The following KCNMA1 variants were observed in gnomAD, a reference collection of about 807,000 sequenced individuals.
The protein encoded by KCNMA1 is potassium calcium-activated channel subfamily M alpha 1.
A neutral mutation model predicts 140.0 loss-of-function variants in KCNMA1; 29 were observed. The observed-to-expected ratio is 0.21, with a 90% confidence interval of 0.15 to 0.28. The LOEUF is 0.28. Ranked by LOEUF, KCNMA1 falls within the 10% of genes least tolerant of loss-of-function variation. KCNMA1 has a pLI of 1.00. For missense variants in KCNMA1, 880 were observed against 1,602.2 expected (o/e 0.55, Z 7.70); for synonymous variants, 612 against 611.9 (o/e 1.00, Z 0.00).
chr10:77,193,404 A>G (rs982870919), intron 3 of KCNMA1, among the ~76,000 whole-genome samples: 1 of 152,196 alleles, frequency 6.6e-6, no homozygotes, highest in Admixed American at 6.5e-5. Flanking sequence ...AGTTTTCACT[A>G]AACTGTCTTA....
At chr10:77,271,138 C>A (rs991468512) in intron 2 of KCNMA1, among the ~76,000 whole-genome samples, 1 of 152,172 alleles carries the variant, frequency 6.6e-6, no homozygotes, top group Non-Finnish European at 1.5e-5. Context: ...GTTTAACAGA[C>A]AAACATTTTA....
chr10:77,063,432 G>A (rs1326524647), intron 14 of KCNMA1, among the ~76,000 whole-genome samples: 2 of 151,754 alleles, frequency 1.3e-5, no homozygotes, highest in Admixed American at 6.6e-5. Context: ...GTGAGACAGC[G>A]AAATCTCCGT....
chr10:76,876,923 A>C (rs1159868065), downstream of KCNMA1: 2 of 152,524 alleles, frequency 1.3e-5, no homozygotes, highest in Non-Finnish European at 2.9e-5. Flanking sequence ...CCACCACTAG[A>C]ACAGCAAACA....
rs373374190 is a variant in KCNMA1, at chr10:77,317,910, A to T, written c.541-66654T>A. ...CACGGTTTTGTTTAAGGCATCCCAA[A>T]AACTAGAAATTGTTTGCTTGACTCC... On this transcript the variant is annotated intron_variant, in intron 2 of 27. Transcript: ENST00000286628. Among the ~76,000 whole-genome samples, 6 of 152,328 alleles carry T rather than the reference A, an allele frequency of 3.9e-5. No homozygotes were observed. The South Asian group carries it at 1.2e-3, about 32-fold the overall frequency.
At chr10:77,162,546 C>T (rs1439852709) in intron 5 of KCNMA1, among the ~76,000 whole-genome samples, 2 of 152,108 alleles carry the variant, frequency 1.3e-5, no homozygotes, top group African/African-American at 4.8e-5. Flanking sequence ...GAGATAACAT[C>T]TTTGCCTCCA....
intron 20 of KCNMA1, among the ~76,000 whole-genome samples, chr10:76,968,696 G>A (rs572718900): frequency 1.3e-5 from 2 of 152,308 alleles, no homozygotes; most frequent in East Asian, 3.9e-4. Context: ...AAACAAGCAT[G>A]CAAATCAGCC....
intron 2 of KCNMA1, among the ~76,000 whole-genome samples, chr10:77,335,785 C>G (rs886551095): frequency 2.0e-5 from 3 of 152,132 alleles, no homozygotes; most frequent in African/African-American, 4.8e-5. Flanking sequence ...AACCAAGGCT[C>G]TAGGAGGTTA....
At chr10:77,018,415 T>C (rs1240914128) in intron 17 of KCNMA1, among the ~76,000 whole-genome samples, 1 of 152,206 alleles carries the variant, frequency 6.6e-6, no homozygotes, top group East Asian at 1.9e-4. Flanking sequence ...TGTGAATTCC[T>C]AGGCTGCTTA....
At chr10:77,098,587 AC>A (rs949865944) in intron 9 of KCNMA1, among the ~76,000 whole-genome samples, 19 of 151,596 alleles carry the variant, frequency 1.3e-4, no homozygotes, top group African/African-American at 2.7e-4. Context: ...AAAAAAAAAA[AC>A]AAAAAACTTT....
chr10:77,490,145 C>T (rs562841954), intron 1 of KCNMA1, among the ~76,000 whole-genome samples: 8 of 152,316 alleles, frequency 5.3e-5, no homozygotes, highest in African/African-American at 9.6e-5. Flanking sequence ...TTGAGAACCA[C>T]GGGGTTAAAT....
intron 5 of KCNMA1, chr10:77,149,946 A>C (rs577827035): frequency 1.3e-5 from 2 of 152,278 alleles, no homozygotes; most frequent in East Asian, 3.9e-4. Context: ...GATGGATCAC[A>C]CTTGAGCAGG....
chr10:76,958,784 A>G (rs1214561705), intron 20 of KCNMA1, among the ~76,000 whole-genome samples: 1 of 152,124 alleles, frequency 6.6e-6, no homozygotes, highest in Admixed American at 6.5e-5. Context: ...CCAGACTTTC[A>G]TCTCAGACTT....
chr10:77,492,805 G>A (rs2040431992), intron 1 of KCNMA1, among the ~76,000 whole-genome samples: 1 of 152,244 alleles, frequency 6.6e-6, no homozygotes, highest in South Asian at 2.1e-4. Context: ...GTCCTCGCTT[G>A]TATGGGAGTG....
intron 2 of KCNMA1, among the ~76,000 whole-genome samples, chr10:77,293,849 G>A (rs1217485952): frequency 6.6e-6 from 1 of 152,234 alleles, no homozygotes; most frequent in East Asian, 1.9e-4. Flanking sequence ...CTGGCATTTA[G>A]GTTGTTTGCT....
At chr10:76,977,505 C>T in intron 19 of KCNMA1, 1 of 702,468 alleles carries the variant, frequency 1.4e-6, no homozygotes, top group Non-Finnish European at 2.6e-6. Context: ...CCATAGAGAC[C>T]ATATGGGTTG....
intron 3 of KCNMA1, among the ~76,000 whole-genome samples, chr10:77,222,557 T>C (rs1410906829): frequency 1.3e-5 from 2 of 152,212 alleles, no homozygotes; most frequent in South Asian, 2.1e-4. Flanking sequence ...GTCAGTTCGC[T>C]GCTCTGGGGT....
intron 1 of KCNMA1, among the ~76,000 whole-genome samples, chr10:77,470,112 G>A (rs544712622): frequency 4.6e-4 from 70 of 152,184 alleles, no homozygotes; most frequent in Admixed American, 9.8e-4. Flanking sequence ...GAGGGATGTA[G>A]GAATTTGGGG....
chr10:77,286,924 T>C (rs1299837275), intron 2 of KCNMA1, among the ~76,000 whole-genome samples: 1 of 152,174 alleles, frequency 6.6e-6, no homozygotes, highest in Admixed American at 6.5e-5. Flanking sequence ...GGTACACATG[T>C]CCTCTAAAAC....
chr10:76,925,912 G>A (rs11597938), intron 23 of KCNMA1, among the ~76,000 whole-genome samples: 3,092 of 152,304 alleles, frequency 0.02, 33 homozygotes, highest in Non-Finnish European at 0.033. Context: ...AAGCAGAATC[G>A]CATCAACAAC....
Sources: allele counts gnomAD v4.1 joint callset (sites outside exome capture counted in the v4.1 genomes callset), GRCh38; gene constraint gnomAD v4.1.1; transcripts MANE v1.5; gene names NCBI Gene and HGNC (gene_info 2026-07-23, HGNC 2026-07-21).